GULP1: variants seen among roughly 807,000 people sequenced by gnomAD.
GULP1 encodes GULP PTB domain containing engulfment adaptor 1, also known as PTB domain-containing engulfment adapter protein 1.
Under a neutral mutation model 40.9 loss-of-function variants are expected in GULP1, and 19 were observed. The ratio of observed to expected loss-of-function variants is 0.46; its 90% confidence interval spans 0.32 to 0.68. GULP1 has a LOEUF of 0.68. Ranked by LOEUF, GULP1 falls within the 30% of genes least tolerant of loss-of-function variation. The pLI is 0.03. For synonymous variants in GULP1, 119 were observed against 117.6 expected (o/e 1.01, Z -0.08); for missense variants, 312 against 362.2 (o/e 0.86, Z 1.12).
intron 1 of GULP1, among the ~76,000 whole-genome samples, chr2:188,362,472 G>A (rs1026245451): frequency 1.3e-5 from 2 of 152,004 alleles, no homozygotes; most frequent in African/African-American, 4.8e-5. Flanking sequence ...TTACTCACCT[G>A]CACATGTTTA....
intron 1 of GULP1, among the ~76,000 whole-genome samples, chr2:188,344,801 T>C (rs114468415): frequency 0.023 from 3,427 of 152,254 alleles, 138 homozygotes; most frequent in African/African-American, 0.078. Flanking sequence ...CTGTACTCAT[T>C]GCAAATACAC....
intron 1 of GULP1, among the ~76,000 whole-genome samples, chr2:188,318,227 A>G (rs2039420577): frequency 6.6e-6 from 1 of 152,158 alleles, no homozygotes; most frequent in African/African-American, 2.4e-5. Flanking sequence ...TTGACTGACT[A>G]TCGCTATATA....
At chr2:188,452,998 T>TG (rs1005988483) in intron 2 of GULP1, among the ~76,000 whole-genome samples, 1 of 152,200 alleles carries the variant, frequency 6.6e-6, no homozygotes, top group African/African-American at 2.4e-5. Flanking sequence ...CCCTTTTTTT[T>TG]TTTAAGGTGG....
chr2:188,549,721 A>G (rs547303924), intron 7 of GULP1, among the ~76,000 whole-genome samples: 2 of 151,980 alleles, frequency 1.3e-5, no homozygotes, highest in African/African-American at 4.8e-5. Context: ...GCCGAAAACT[A>G]CAATCCATCC....
Position 188,477,699 on chromosome 2 carries a change from C to T in GULP1, c.-4C>T. 1.3e-6 allele frequency: 2 copies of T among 1,597,702 alleles called. No individual in the cohort carries two copies. The highest frequency in any genetic ancestry group is 1.4e-5 in the African/African-American group (1 of 73,958). ...ACTGAACATTTATTTGGCTGATCCT[C>T]ATCATGAACCGTGCTTTTAGCAGGA... is the stretch of plus-strand genomic sequence containing the variant. On this transcript the variant is annotated 5_prime_UTR_variant, in exon 3 of 12. Transcript: ENST00000409830.
chr2:188,435,491 C>G (rs2057320910), intron 2 of GULP1, among the ~76,000 whole-genome samples: 1 of 152,042 alleles, frequency 6.6e-6, no homozygotes, highest in African/African-American at 2.4e-5. Context: ...ATAGCTTGTG[C>G]ATTAATTTCC....
intron 1 of GULP1, among the ~76,000 whole-genome samples, chr2:188,365,257 G>A (rs1487506458): frequency 6.6e-6 from 1 of 152,170 alleles, no homozygotes; most frequent in Non-Finnish European, 1.5e-5. Context: ...TATCTTAATG[G>A]AAGATCTGTC....
intron 1 of GULP1, among the ~76,000 whole-genome samples, chr2:188,327,649 G>A (rs925672288): frequency 6.6e-6 from 1 of 152,064 alleles, no homozygotes; most frequent in Non-Finnish European, 1.5e-5. Flanking sequence ...AGGTTAAACT[G>A]TGCACTTCTA....
At chr2:188,522,999 T>G (rs1028073146) in intron 5 of GULP1, 172 bp downstream of exon 5, 1 of 500,480 alleles carries the variant, frequency 2.0e-6, no homozygotes, top group Non-Finnish European at 3.7e-6. Context: ...ATAACAAACA[T>G]GTACACAAAA....
chr2:188,338,940 T>G (rs569547715), intron 1 of GULP1, among the ~76,000 whole-genome samples: 1 of 152,202 alleles, frequency 6.6e-6, no homozygotes, highest in Admixed American at 6.5e-5. Context: ...TAGAAGTTAT[T>G]CTTATAATTG....
chr2:188,405,966 G>T (rs1304703813), intron 2 of GULP1, among the ~76,000 whole-genome samples: 2 of 152,196 alleles, frequency 1.3e-5, no homozygotes, highest in African/African-American at 4.8e-5. Context: ...AAGAAATGCA[G>T]ATGTATGAAC....
intron 2 of GULP1, among the ~76,000 whole-genome samples, chr2:188,425,353 T>C (rs957284223): frequency 7.2e-5 from 11 of 151,866 alleles, no homozygotes; most frequent in Non-Finnish European, 1.6e-4. Context: ...TTCTAATCCA[T>C]GGTTTGTTAC....
At chr2:188,329,994 A>G (rs562641970) in intron 1 of GULP1, among the ~76,000 whole-genome samples, 3 of 152,254 alleles carry the variant, frequency 2.0e-5, no homozygotes, top group Admixed American at 2.0e-4. Context: ...AGATGCGCCA[A>G]AGTAGTTGTA....
intron 4 of GULP1, among the ~76,000 whole-genome samples, chr2:188,521,134 G>A (rs78408752): frequency 0.02 from 2,992 of 151,292 alleles, 93 homozygotes; most frequent in African/African-American, 0.069. Flanking sequence ...TATGTCACAA[G>A]AGCAAAAAAA....
At position 188,362,984 on chromosome 2, in the gene GULP1, A is replaced by T. The variant is rs557970169; in HGVS notation, c.-171-20779A>T. 2.0e-5 allele frequency among the ~76,000 whole-genome samples: 3 copies of T among 152,218 alleles called. No homozygotes were observed. In the East Asian group the frequency reaches 5.8e-4, roughly 29 times the overall value. On this transcript the variant is annotated intron_variant, in intron 1 of 11. Coordinates refer to ENST00000409830, the MANE Select transcript of GULP1 (RefSeq NM_016315.4). ...TTCTAATTTTTTAAAAAAGAAAAAA[A>T]TATGAATCGTAAAGAAAGGTAGATG...
At chr2:188,549,179 T>C (rs999028104) in intron 7 of GULP1, among the ~76,000 whole-genome samples, 2 of 151,798 alleles carry the variant, frequency 1.3e-5, no homozygotes, top group African/African-American at 2.4e-5. Flanking sequence ...TTTTTTATCA[T>C]AAAGTAAAAT....
At chr2:188,503,062 T>G (rs1207283738) in intron 4 of GULP1, among the ~76,000 whole-genome samples, 2 of 151,918 alleles carry the variant, frequency 1.3e-5, no homozygotes, top group Non-Finnish European at 2.9e-5. Flanking sequence ...AGGTCTCACG[T>G]TTTAATACTG....
Position 188,529,119 on chromosome 2 carries a change from C to A in GULP1, c.185C>A (p.Ser62Tyr). Reference protein sequence around the residue: ...KLKFARHIKKSEGQKIPKVEL... With the variant: ...KLKFARHIKKYEGQKIPKVEL... ...TAGTTTGCAAGACATATCAAGAAAT[C>A]TGAAGGCCAGAAAATTCCTAAAGTG... The change falls in exon 6 of 12, where the codon TCT (serine) becomes TAT (tyrosine). Residue 62 changes from serine (S) to tyrosine (Y), a missense_variant. Physicochemically the swap from Ser to Tyr is moderately radical, Grantham distance 144. Transcript: ENST00000409830. 1 of 1,556,798 alleles carries A rather than the reference C, an allele frequency of 6.4e-7. No homozygotes were observed. Among genetic ancestry groups the A allele is most frequent in the Non-Finnish European group, 8.8e-7 (1 of 1,135,310 alleles).
chr2:188,486,423 A>G (rs1559296872), intron 4 of GULP1, among the ~76,000 whole-genome samples: 2 of 152,122 alleles, frequency 1.3e-5, no homozygotes, highest in East Asian at 3.9e-4. Flanking sequence ...AAAGATTCCT[A>G]CTACTTCACT....
Sources: allele counts gnomAD v4.1 joint callset (sites outside exome capture counted in the v4.1 genomes callset), GRCh38; gene constraint gnomAD v4.1.1; transcripts MANE v1.5; gene names NCBI Gene and HGNC (gene_info 2026-07-23, HGNC 2026-07-21).